Variants in CROT observed in about 807,000 individuals in gnomAD.
CROT encodes peroxisomal carnitine O-octanoyltransferase.
CROT carries 84 observed loss-of-function variants against 89.2 expected under a neutral mutation model. The ratio of observed to expected loss-of-function variants is 0.94; its 90% CI spans 0.79 to 1.13. The LOEUF is 1.13. CROT is among the 50% of genes most tolerant of loss of function. CROT has a pLI of 0.00. For synonymous variants in CROT, 212 were observed against 239.5 expected, an observed-to-expected ratio of 0.89 and a Z score of 1.06; for missense variants, 711 against 727.8, an observed-to-expected ratio of 0.98 and a Z score of 0.27.
At chr7:87,352,952 C>G (rs1048335497) in intron 3 of CROT, among the ~76,000 whole-genome samples, 3 of 152,074 alleles carry the variant, frequency 2.0e-5, no homozygotes, top group Non-Finnish European at 4.4e-5. Context: ...TTTGATTGTC[C>G]AGGTCTAAAG....
At chr7:87,366,660 T>C (rs1465284952) in intron 6 of CROT, among the ~76,000 whole-genome samples, 1 of 152,144 alleles carries the variant, frequency 6.6e-6, no homozygotes. Flanking sequence ...CATTCCTACT[T>C]CCCCGTCTTC....
At position 87,382,388 on chromosome 7, in the gene CROT, G is replaced by A. The variant is rs11970959; in HGVS notation, c.1171-25G>A. On this transcript the variant is annotated intron_variant, in intron 12 of 17. Transcript: ENST00000331536. ...TATTCTCCTTAGGTGATTTTTCACC[G>A]TTCTCATTTAATTCTTCTTGTTAGG... The A allele has an allele frequency of 0.01, 16,501 of 1,603,656 alleles. 1,226 individuals carry two copies. In the African/African-American group the frequency reaches 0.18, roughly 17 times the overall value.
In CROT at chr7:87,359,837, A is replaced by G. The variant is rs948512180; in HGVS notation, c.240+507A>G. 1.4e-5 allele frequency: 14 copies of G among 984,706 alleles called. No homozygotes were observed. The African/African-American group carries it at 2.1e-4, about 15-fold the overall frequency. 61.0% of individuals were successfully genotyped at this position (984,706 alleles called of 1,614,324 possible). A position where few individuals can be genotyped will look rare whatever the true frequency, so the allele number is the denominator to read the frequency against. On this transcript the variant is annotated intron_variant, in intron 4 of 17. Transcript: ENST00000331536. ...TAGTATAATAATTATTGAAGGTCTC[A>G]ATAATTTTCCACAAAATTCTTTAAC... is the stretch of plus-strand genomic sequence containing the variant.
intron 17 of CROT, among the ~76,000 whole-genome samples, chr7:87,395,064 A>G (rs573128639): frequency 6.6e-6 from 1 of 152,302 alleles, no homozygotes; most frequent in African/African-American, 2.4e-5. Flanking sequence ...CAGGGACAGA[A>G]CTAATAGGAT....
rs183637424 is a variant in CROT at position 87,365,444 on chromosome 7, C to T, written c.547+3592C>T. On this transcript the variant is annotated intron_variant, in intron 6 of 17. Coordinates refer to ENST00000331536, the MANE Select transcript of CROT (RefSeq NM_021151.4). ...GTGGGAGGTTGCAGTGAGCCGAGATCATGCCACTGCACTCCGGCCTGGGCG... is the reference window on the plus strand; with the variant it reads ...GTGGGAGGTTGCAGTGAGCCGAGATTATGCCACTGCACTCCGGCCTGGGCG... Among the ~76,000 whole-genome samples the T allele has an allele frequency of 3.2e-3, 486 of 150,026 alleles. 2 individuals carry two copies. Among genetic ancestry groups the T allele is most frequent in the African/African-American group, 0.012 (468 of 40,632 alleles).
intron 7 of CROT, among the ~76,000 whole-genome samples, chr7:87,374,910 T>C (rs954965828): frequency 2.7e-4 from 41 of 151,976 alleles, no homozygotes; most frequent in African/African-American, 9.1e-4. Context: ...AGTAATTTCT[T>C]AACATGTGCC....
rs772636771 is a variant in CROT, at chr7:87,349,149, A to G, written c.81A>G (p.Ser27=). The change falls in exon 3 of 18, where the codon TCA becomes TCG. Residue 27 remains serine, a synonymous_variant. Coordinates refer to ENST00000331536, the MANE Select transcript of CROT (RefSeq NM_021151.4). ...CTCTTCCATCACTGCCTGTTCCTTC[A>G]CTTGAAGAATCATTAAAAAAATACC... ...QDSLPSLPVP[S]LEESLKKYLE... The G allele has an allele frequency of 3.8e-6, 6 of 1,598,664 alleles. No homozygotes were observed. In the Middle Eastern group the frequency reaches 8.3e-4, roughly 222 times the overall value.
rs201320743 is a variant in CROT at position 87,391,597 on chromosome 7, G to A, written c.1310G>A (p.Cys437Tyr). 1.3e-6 allele frequency: 2 copies of A among 1,592,938 alleles called. No homozygotes were observed. Among genetic ancestry groups the A allele is most frequent in the Non-Finnish European group, 1.7e-6 (2 of 1,174,018 alleles). The change falls in exon 14 of 18, where the codon TGT becomes TAT. Residue 437 changes from cysteine (C) to tyrosine (Y), a missense_variant. Coordinates refer to ENST00000331536, the MANE Select transcript of CROT (RefSeq NM_021151.4). ...TTAATTTTTTCTTGTAGCCCTGGTT[G>A]TTGCTATGAAACAGCTATGACAAGA... The part of the protein sequence containing the change: ...AYYRLHGHPG[C>Y]CYETAMTRHF...
chr7:87,357,632 G>C, intron 3 of CROT: 1 of 812,474 alleles, frequency 1.2e-6, no homozygotes, highest in East Asian at 2.7e-5. Context: ...CTTATTGAAA[G>C]CTACTCCATT....
At chr7:87,361,306 T>C (rs1332135702) in intron 4 of CROT, 84 bp from the exon 5 acceptor site, 1 of 1,301,730 alleles carries the variant, frequency 7.7e-7, no homozygotes, top group African/African-American at 1.5e-5. Flanking sequence ...AAAGAACAAA[T>C]ATAGCTTGCT....
At chr7:87,394,832 T>C (rs551917561) in intron 17 of CROT, among the ~76,000 whole-genome samples, 2 of 152,262 alleles carry the variant, frequency 1.3e-5, no homozygotes, top group African/African-American at 4.8e-5. Context: ...AAGGATAGTT[T>C]GATAATTTTA....
chr7:87,352,079 A>C (rs1253443182), intron 3 of CROT, among the ~76,000 whole-genome samples: 1 of 152,226 alleles, frequency 6.6e-6, no homozygotes, highest in Non-Finnish European at 1.5e-5. Flanking sequence ...GAATTCCAAG[A>C]AGAGGAAAGA....
intron 7 of CROT, 37 bp from the exon 8 acceptor site, chr7:87,375,595 T>G (rs760584984): frequency 6.7e-7 from 1 of 1,493,960 alleles, no homozygotes; most frequent in Non-Finnish European, 9.3e-7. Context: ...ACTTTCTGCC[T>G]GTACTCTTTT....
chr7:87,393,284 C>T (rs893745839), intron 17 of CROT, among the ~76,000 whole-genome samples: 4 of 152,082 alleles, frequency 2.6e-5, no homozygotes, highest in Admixed American at 1.3e-4. Context: ...TGTCTTTATG[C>T]AGAACACTGT....
At chr7:87,379,735 A>G (rs1003666154) in intron 10 of CROT, among the ~76,000 whole-genome samples, 2 of 152,208 alleles carry the variant, frequency 1.3e-5, no homozygotes, top group Non-Finnish European at 2.9e-5. Flanking sequence ...GATAATTTGC[A>G]TTAAATTCCA....
chr7:87,384,487 G>A (rs1290070773), intron 13 of CROT, among the ~76,000 whole-genome samples: 5 of 152,172 alleles, frequency 3.3e-5, no homozygotes, highest in East Asian at 1.9e-4. Context: ...AGCTGAGATC[G>A]TGCCACTGCA....
chr7:87,345,980 GA>G (rs1805653885), intron 1 of CROT, among the ~76,000 whole-genome samples: 1 of 152,146 alleles, frequency 6.6e-6, no homozygotes, highest in Non-Finnish European at 1.5e-5. Context: ...ATGGCCTCTT[GA>G]GTGCAGAGTT....
chr7:87,390,063 T>C (rs1807311952), intron 13 of CROT, among the ~76,000 whole-genome samples: 1 of 152,202 alleles, frequency 6.6e-6, no homozygotes, highest in Non-Finnish European at 1.5e-5. Context: ...ATTTATCCTG[T>C]AGAGTTTTCT....
chr7:87,369,513 T>C (rs776879802), intron 7 of CROT, 29 bp downstream of exon 7: 2 of 1,495,540 alleles, frequency 1.3e-6, no homozygotes, highest in Admixed American at 3.4e-5. Context: ...TGAGTTTCAT[T>C]AGGTCTTATG....
Sources: allele counts gnomAD v4.1 joint callset (sites outside exome capture counted in the v4.1 genomes callset), GRCh38; gene constraint gnomAD v4.1.1; transcripts MANE v1.5; gene names NCBI Gene and HGNC (gene_info 2026-07-23, HGNC 2026-07-21).